Variants in DSTN observed in about 807,000 individuals in gnomAD.
DSTN encodes destrin.
A neutral mutation model predicts 16.8 loss-of-function variants in DSTN; 10 were observed. The observed-to-expected ratio is 0.60, with a 90% confidence interval of 0.37 to 1.01. The LOEUF (loss-of-function observed/expected upper bound fraction) is 1.01. Ranked by LOEUF, DSTN falls within the 50% of genes least tolerant of loss-of-function variation. The pLI, the probability that DSTN is intolerant of heterozygous loss-of-function variation, is 0.01. For missense variants in DSTN, 141 were observed against 196.7 expected (o/e 0.72, Z 1.69); for synonymous variants, 57 against 58.9 (o/e 0.97, Z 0.14).
intron 1 of DSTN, among the ~76,000 whole-genome samples, chr20:17,577,252 T>C (rs2035289431): frequency 6.6e-6 from 1 of 152,198 alleles, no homozygotes; most frequent in East Asian, 1.9e-4. Context: ...GAACTAACAC[T>C]AAAGCACAGC....
intron 1 of DSTN, among the ~76,000 whole-genome samples, chr20:17,588,169 G>A (rs1038651718): frequency 6.6e-6 from 1 of 152,136 alleles, no homozygotes; most frequent in Non-Finnish European, 1.5e-5. Flanking sequence ...CCGTGCTTCT[G>A]GGTTCTTTTC....
At chr20:17,590,515 T>G (rs2035457944) in intron 1 of DSTN, among the ~76,000 whole-genome samples, 1 of 152,200 alleles carries the variant, frequency 6.6e-6, no homozygotes. Context: ...TCTCCAGTGG[T>G]CACTGGTACA....
At chr20:17,579,438 C>G (rs2035319122) in intron 1 of DSTN, among the ~76,000 whole-genome samples, 1 of 151,830 alleles carries the variant, frequency 6.6e-6, no homozygotes, top group African/African-American at 2.4e-5. Context: ...AAAAGGAAAG[C>G]TAGGTGTGGC....
At chr20:17,590,918 G>A (rs1388355400) in intron 1 of DSTN, among the ~76,000 whole-genome samples, 1 of 152,158 alleles carries the variant, frequency 6.6e-6, no homozygotes, top group Non-Finnish European at 1.5e-5. Context: ...ACCAGCCTGG[G>A]CAACATAACA....
Position 17,607,121 on chromosome 20 carries a change from T to C in DSTN, c.473T>C (p.Val158Ala). ...GAAAAGTTAGGTGGATCCTTAATTG[T>C]AGCCTTTGAAGGATGCCCTGTGTAG... ...IAEKLGGSLI[V>A]AFEGCPV The change falls in exon 4 of 4, where the codon GTA becomes GCA. Residue 158 changes from valine (V) to alanine (A), a missense_variant. Transcript: ENST00000246069. 6.2e-7 allele frequency: 1 copy of C among 1,612,710 alleles called. No homozygotes were observed. The highest frequency in any genetic ancestry group is 8.5e-7 in the Non-Finnish European group (1 of 1,179,960).
intron 1 of DSTN, among the ~76,000 whole-genome samples, chr20:17,586,924 C>G (rs1237675494): frequency 6.6e-6 from 1 of 152,172 alleles, no homozygotes; most frequent in Non-Finnish European, 1.5e-5. Context: ...AAGTCTGATT[C>G]AACCCTGTGG....
At chr20:17,597,443 G>A (rs2035538391) in intron 1 of DSTN, among the ~76,000 whole-genome samples, 1 of 152,202 alleles carries the variant, frequency 6.6e-6, no homozygotes, top group Non-Finnish European at 1.5e-5. Context: ...TCTTGCATGT[G>A]TTTTAAAGTG....
At position 17,607,176 on chromosome 20, in the gene DSTN, C is replaced by T. The variant is rs750076653; in HGVS notation, c.*30C>T. 6 of 1,593,832 alleles carry T rather than the reference C, an allele frequency of 3.8e-6. No homozygotes were observed. The East Asian group carries it at 1.3e-4, about 36-fold the overall frequency. ...TTCAGTGCCACAAATTGAAAGCTTCCATGTTTAATGTTATCCTCTTGCTAT... is the reference window on the plus strand; with the variant it reads ...TTCAGTGCCACAAATTGAAAGCTTCTATGTTTAATGTTATCCTCTTGCTAT... On this transcript the variant is annotated 3_prime_UTR_variant, in exon 4 of 4. Coordinates refer to ENST00000246069, the MANE Select transcript of DSTN (RefSeq NM_006870.4).
intron 1 of DSTN, among the ~76,000 whole-genome samples, chr20:17,580,748 CAA>C (rs201810572): frequency 2.2e-4 from 24 of 110,140 alleles, no homozygotes; most frequent in Admixed American, 3.9e-4. Context: ...AACTCCGTCT[CAA>C]AAAAAAAAAA....
At chr20:17,585,345 A>C (rs2035393625) in intron 1 of DSTN, among the ~76,000 whole-genome samples, 2 of 152,158 alleles carry the variant, frequency 1.3e-5, no homozygotes, top group Non-Finnish European at 2.9e-5. Context: ...TTAGAAAACT[A>C]GGTGTGACTG....
At chr20:17,599,979 C>T (rs983454540) in intron 1 of DSTN, among the ~76,000 whole-genome samples, 10 of 152,186 alleles carry the variant, frequency 6.6e-5, no homozygotes, top group Non-Finnish European at 1.5e-4. Context: ...GTAAATAGCA[C>T]ATTCCTCAAG....
chr20:17,570,515 T>C (rs952074366), intron 1 of DSTN, among the ~76,000 whole-genome samples: 2 of 151,926 alleles, frequency 1.3e-5, no homozygotes, highest in Non-Finnish European at 2.9e-5. Context: ...AACAACTGGC[T>C]GGGGTCGAGC....
intron 1 of DSTN, among the ~76,000 whole-genome samples, chr20:17,574,270 A>C (rs1380006896): frequency 1.3e-5 from 2 of 152,174 alleles, no homozygotes; most frequent in African/African-American, 4.8e-5. Context: ...CTTTTCTGGC[A>C]CATAAATTTC....
In DSTN at chr20:17,573,038, C is replaced by A. The variant is rs145412217; in HGVS notation, c.3+2827C>A. On this transcript the variant is annotated intron_variant, in intron 1 of 3. Coordinates refer to ENST00000246069, the MANE Select transcript of DSTN (RefSeq NM_006870.4). ...GCAATTAGGAGAGCATTCCTGATTG[C>A]CTTATTTGAAAATATGCAACAGGCC... Among the ~76,000 whole-genome samples the A allele has an allele frequency of 2.2e-3, 339 of 152,216 alleles. 4 individuals carry two copies. Among genetic ancestry groups the A allele is most frequent in the African/African-American group, 7.7e-3 (318 of 41,526 alleles).
chr20:17,570,758 G>C (rs1350831748), intron 1 of DSTN, among the ~76,000 whole-genome samples: 1 of 152,242 alleles, frequency 6.6e-6, no homozygotes, highest in Non-Finnish European at 1.5e-5. Flanking sequence ...TCGCTAACGA[G>C]CAGGATCCTG....
chr20:17,573,562 A>G (rs2035232019), intron 1 of DSTN, among the ~76,000 whole-genome samples: 1 of 152,206 alleles, frequency 6.6e-6, no homozygotes, highest in South Asian at 2.1e-4. Flanking sequence ...TCCATGGTGT[A>G]TATCTAGAAG....
chr20:17,609,644 G>C lies in DSTN; in HGVS notation c.*2498G>C, dbSNP rs1249340303. The C allele has an allele frequency of 6.6e-6, 1 of 152,186 alleles. No homozygotes were observed. Among genetic ancestry groups the C allele is most frequent in the African/African-American group, 2.4e-5 (1 of 41,442 alleles). 9.4% of individuals were successfully genotyped at this position (152,186 alleles called of 1,614,324 possible). On this transcript the variant is annotated 3_prime_UTR_variant, in exon 4 of 4. Transcript: ENST00000246069. Reference sequence around the variant, plus strand: ...GTAGTTAGTCTCTAGGGGAACTTTTGAGAAAGTCTCAGTGGATTCCTGAGG... The same window carrying C: ...GTAGTTAGTCTCTAGGGGAACTTTTCAGAAAGTCTCAGTGGATTCCTGAGG...
chr20:17,580,260 C>A (rs987256972), intron 1 of DSTN, among the ~76,000 whole-genome samples: 1 of 152,128 alleles, frequency 6.6e-6, no homozygotes. Flanking sequence ...TTTTGCATTG[C>A]CCTCAATGTT....
Position 17,582,048 on chromosome 20 carries a change from G to A in DSTN, c.3+11837G>A, listed in dbSNP as rs184077635. 8.0e-3 allele frequency among the ~76,000 whole-genome samples: 1,200 copies of A among 149,552 alleles called. 10 individuals are homozygous for A. The highest frequency in any genetic ancestry group is 0.011 in the Non-Finnish European group (735 of 67,536). Reference sequence around the variant, plus strand: ...GCTCTAGAGATTCAATAATATACAAGAAAAAGTCCCTGTCTCTATGAAATA... The same window carrying A: ...GCTCTAGAGATTCAATAATATACAAAAAAAAGTCCCTGTCTCTATGAAATA... On this transcript the variant is annotated intron_variant, in intron 1 of 3. Transcript: ENST00000246069.
Sources: gnomAD v4.1 joint callset for allele counts (sites outside exome capture counted in the v4.1 genomes callset) on GRCh38, gnomAD v4.1.1 for gene constraint, MANE v1.5 for transcripts, NCBI Gene and HGNC (gene_info 2026-07-23, HGNC 2026-07-21) for gene names.